Variants in PLEKHD1 observed in about 807,000 individuals in gnomAD.
PLEKHD1 encodes the protein pleckstrin homology and coiled-coil domain containing D1, also known as pleckstrin homology domain-containing family D member 1.
PLEKHD1 carries 51 observed loss-of-function variants against 69.2 expected under a neutral mutation model. That is an observed-to-expected ratio of 0.74 (90% CI 0.59 to 0.93). PLEKHD1 has a LOEUF of 0.93. Ranked by LOEUF, PLEKHD1 falls within the 40% of genes least tolerant of loss-of-function variation. The pLI is 0.00. For synonymous variants in PLEKHD1, 236 were observed against 244.7 expected (o/e 0.96, Z 0.33); for missense variants, 584 against 641.0 (o/e 0.91, Z 0.96).
chr14:69,484,445 G>A (rs891027967), upstream of PLEKHD1, among the ~76,000 whole-genome samples: 1 of 152,170 alleles, frequency 6.6e-6, no homozygotes, highest in Non-Finnish European at 1.5e-5. Context: ...GCTGCTCGCC[G>A]AGAGGGACCC....
chr14:69,500,278 AG>A, intron 2 of PLEKHD1, 70 bp downstream of exon 2: 1 of 1,277,742 alleles, frequency 7.8e-7, no homozygotes. Context: ...GCATCTTGTG[AG>A]GGGAGGGGAC....
intron 1 of PLEKHD1, among the ~76,000 whole-genome samples, chr14:69,489,430 G>A (rs1225304422): frequency 6.6e-6 from 1 of 151,742 alleles, no homozygotes; most frequent in Non-Finnish European, 1.5e-5. Context: ...ATGGTGGTGG[G>A]TGCCTGTAAT....
In PLEKHD1 at chr14:69,530,586, C is replaced by G. The variant is rs1883770113; in HGVS notation, c.*2167C>G. On this transcript the variant is annotated 3_prime_UTR_variant, in exon 13 of 13. Transcript: ENST00000322564. Reference sequence around the variant, plus strand: ...TTTCTTGGGCGAGCTATTAACCAGACAGGAAAGTGCTAGTCTTCGTTTGCT... The same window carrying G: ...TTTCTTGGGCGAGCTATTAACCAGAGAGGAAAGTGCTAGTCTTCGTTTGCT... The G allele has an allele frequency of 6.6e-6, 1 of 152,126 alleles. No individual in the cohort carries two copies. The highest frequency in any genetic ancestry group is 2.4e-5 in the African/African-American group (1 of 41,422). 9.4% of individuals were successfully genotyped at this position (152,126 alleles called of 1,614,324 possible). A position where few individuals can be genotyped will look rare whatever the true frequency, so the allele number is the denominator to read the frequency against.
In PLEKHD1 at chr14:69,528,461, C is replaced by T. The variant is rs779696474; in HGVS notation, c.*42C>T. 58 of 1,535,916 alleles carry T rather than the reference C, an allele frequency of 3.8e-5. No individual in the cohort carries two copies. Among genetic ancestry groups the T allele is most frequent in the African/African-American group, 9.6e-5 (7 of 72,840 alleles). On this transcript the variant is annotated 3_prime_UTR_variant, in exon 13 of 13. Coordinates refer to ENST00000322564, the MANE Select transcript of PLEKHD1 (RefSeq NM_001161498.2). ...GCTTCCCAAGTCTCCCCTGGATGGG[C>T]GGGGGAGGGGAAGGGGTGGCAGAGG...
intron 8 of PLEKHD1, 68 bp downstream of exon 8, chr14:69,524,390 T>A: frequency 7.4e-7 from 1 of 1,344,038 alleles, no homozygotes; most frequent in Non-Finnish European, 1.0e-6. Flanking sequence ...TGACACTGTT[T>A]TTTCCAGCAG....
chr14:69,526,027 GCAGC>G lies in PLEKHD1; in HGVS notation c.830_833del (p.Gln277ProfsTer22). 6.4e-7 allele frequency: 1 copy of G among 1,551,692 alleles called. No homozygotes were observed. Among genetic ancestry groups the G allele is most frequent in the Non-Finnish European group, 8.7e-7 (1 of 1,146,996 alleles). On this transcript the variant is annotated frameshift_variant, in exon 9 of 13. Transcript: ENST00000322564. LOFTEE classifies it high-confidence loss of function. ...TGCAGACACTGGCCAATCAGAGTGA[GCAGC>G]CCCCTCCCAGTGGGGGCCTCCATAG... is the stretch of plus-strand genomic sequence containing the variant.
chr14:69,499,585 A>C (rs1882975669), intron 1 of PLEKHD1, among the ~76,000 whole-genome samples: 1 of 152,214 alleles, frequency 6.6e-6, no homozygotes, highest in African/African-American at 2.4e-5. Context: ...GAGACTGGGG[A>C]GTAGCCCGAG....
At chr14:69,491,568 C>T (rs756057078) in intron 1 of PLEKHD1, among the ~76,000 whole-genome samples, 2 of 152,244 alleles carry the variant, frequency 1.3e-5, no homozygotes, top group African/African-American at 4.8e-5. Context: ...GCATTCGCAT[C>T]TCCAAACATT....
intron 6 of PLEKHD1, among the ~76,000 whole-genome samples, chr14:69,512,689 T>C (rs148705305): frequency 6.6e-6 from 1 of 152,286 alleles, no homozygotes; most frequent in East Asian, 1.9e-4. Context: ...TTTGTGGATT[T>C]TCCAGTTAAC....
chr14:69,518,641 G>A (rs528205426), intron 6 of PLEKHD1, among the ~76,000 whole-genome samples: 1 of 152,310 alleles, frequency 6.6e-6, no homozygotes, highest in South Asian at 2.1e-4. Context: ...TACTGAGGAT[G>A]AGAAATCATG....
intron 1 of PLEKHD1, among the ~76,000 whole-genome samples, chr14:69,496,724 T>A (rs1415061224): frequency 2.0e-5 from 3 of 148,424 alleles, no homozygotes; most frequent in Non-Finnish European, 3.0e-5. Context: ...TTTTTTTTTT[T>A]AATGTAGAGA....
At chr14:69,489,141 T>G (rs77910705) in intron 1 of PLEKHD1, among the ~76,000 whole-genome samples, 2 of 152,356 alleles carry the variant, frequency 1.3e-5, no homozygotes, top group East Asian at 1.9e-4. Flanking sequence ...GCTGTTGATG[T>G]CCTATTTGAA....
intron 1 of PLEKHD1, among the ~76,000 whole-genome samples, chr14:69,495,135 C>A (rs939660188): frequency 6.6e-6 from 1 of 152,208 alleles, no homozygotes; most frequent in Non-Finnish European, 1.5e-5. Flanking sequence ...CATCCACCTT[C>A]CTTCCCCTGC....
intron 1 of PLEKHD1, among the ~76,000 whole-genome samples, chr14:69,491,373 C>T (rs1195505555): frequency 6.6e-6 from 1 of 152,188 alleles, no homozygotes; most frequent in East Asian, 1.9e-4. Context: ...GGCACCCCAC[C>T]TCGCTGTCAC....
chr14:69,491,384 C>T (rs1048478771), intron 1 of PLEKHD1, among the ~76,000 whole-genome samples: 1 of 152,152 alleles, frequency 6.6e-6, no homozygotes, highest in African/African-American at 2.4e-5. Context: ...TCGCTGTCAC[C>T]AGAGATGGTG....
chr14:69,476,789 A>G, the PLEKHD1 span, among the ~76,000 whole-genome samples: 3 of 152,112 alleles, frequency 2.0e-5, no homozygotes, highest in East Asian at 5.8e-4. Flanking sequence ...CAGGGACTAG[A>G]CTGTGAAGGG....
Position 69,527,325 on chromosome 14 carries a change from T to A in PLEKHD1, c.1194T>A (p.His398Gln), listed in dbSNP as rs887994082. Reference protein sequence around the residue: ...KEERMRADVSHLKRFFEECIR... With the variant: ...KEERMRADVSQLKRFFEECIR... ...AGAGGATGCGGGCTGATGTGAGCCA[T>A]CTGAAAAGTAAGCCCTGCCTCTAGG... Residue 398 changes from histidine to glutamine, a missense_variant, in exon 11 of 13, where the codon CAT becomes CAA. By Grantham distance (24) the His-to-Gln change is conservative. Coordinates refer to ENST00000322564, the MANE Select transcript of PLEKHD1 (RefSeq NM_001161498.2). 3 of 1,551,640 alleles carry A rather than the reference T, an allele frequency of 1.9e-6. No homozygotes were observed. Among genetic ancestry groups the A allele is most frequent in the Non-Finnish European group, 2.6e-6 (3 of 1,146,996 alleles).
intron 10 of PLEKHD1, 110 bp downstream of exon 10, chr14:69,526,939 G>C (rs769126618): frequency 1.6e-5 from 22 of 1,409,518 alleles, no homozygotes; most frequent in Non-Finnish European, 2.1e-5. Context: ...AGTCTGACCA[G>C]ACAGCCAGGC....
chr14:69,515,995 A>G (rs933346474), intron 6 of PLEKHD1, among the ~76,000 whole-genome samples: 1 of 152,156 alleles, frequency 6.6e-6, no homozygotes, highest in South Asian at 2.1e-4. Flanking sequence ...CTGATTTTTC[A>G]GTTTGTTTGG....
Sources: gnomAD v4.1 joint callset for allele counts (sites outside exome capture counted in the v4.1 genomes callset) on GRCh38, gnomAD v4.1.1 for gene constraint, MANE v1.5 for transcripts, NCBI Gene and HGNC (gene_info 2026-07-23, HGNC 2026-07-21) for gene names.